R3HCC1L: variants seen among roughly 807,000 people sequenced by gnomAD.
The protein encoded by R3HCC1L is R3H domain and coiled-coil containing 1 like, also known as coiled-coil domain-containing protein R3HCC1L.
R3HCC1L carries 51 observed loss-of-function variants against 59.9 expected under a neutral mutation model. That is an observed-to-expected ratio of 0.85 (90% CI 0.68 to 1.07). R3HCC1L has a LOEUF of 1.07. Among genes scored for constraint, R3HCC1L ranks in the 50% least tolerant of loss-of-function variants. R3HCC1L has a pLI of 0.00. For missense variants in R3HCC1L, 965 were observed against 933.0 expected (o/e 1.03, Z -0.45); for synonymous variants, 322 against 315.2 (o/e 1.02, Z -0.23).
At chr10:98,190,861 A>T (rs1590638184) in intron 4 of R3HCC1L, among the ~76,000 whole-genome samples, 1 of 133,660 alleles carries the variant, frequency 7.5e-6, no homozygotes, top group African/African-American at 2.9e-5. Context: ...TGTCCAAGTG[A>T]TCTCATTGTT....
intron 5 of R3HCC1L, among the ~76,000 whole-genome samples, chr10:98,219,360 C>T (rs1854599893): frequency 6.6e-6 from 1 of 152,186 alleles, no homozygotes; most frequent in South Asian, 2.1e-4. Context: ...TTCTTGTAGG[C>T]AGCATATAGT....
chr10:98,218,646 TG>T lies in R3HCC1L; in HGVS notation c.1785+8748del, dbSNP rs1363233516. Among the ~76,000 whole-genome samples, 5 of 152,324 alleles carry T rather than the reference TG, an allele frequency of 3.3e-5. No individual in the cohort carries two copies. In the South Asian group the frequency reaches 1.0e-3, roughly 32 times the overall value. On this transcript the variant is annotated intron_variant, in intron 5 of 9. Transcript: ENST00000298999. Reference sequence around the variant, plus strand: ...AGGTTGTGCTGATGAGAATGTATCCTGCAGTTGTTGGGTAAAGTGTTCCAGT... The same window carrying T: ...AGGTTGTGCTGATGAGAATGTATCCTCAGTTGTTGGGTAAAGTGTTCCAGT...
At chr10:98,220,695 A>G (rs1353454488) in intron 5 of R3HCC1L, among the ~76,000 whole-genome samples, 1 of 151,258 alleles carries the variant, frequency 6.6e-6, no homozygotes, top group Admixed American at 6.6e-5. Flanking sequence ...ATGTCCCTAC[A>G]AAGGACATGA....
intron 4 of R3HCC1L, among the ~76,000 whole-genome samples, chr10:98,183,840 A>G (rs1004606732): frequency 1.3e-5 from 2 of 151,844 alleles, no homozygotes; most frequent in Non-Finnish European, 2.9e-5. Flanking sequence ...TATGCATATT[A>G]TCTACATTTT....
intron 5 of R3HCC1L, among the ~76,000 whole-genome samples, chr10:98,210,935 C>T (rs796606445): frequency 3.9e-5 from 6 of 152,254 alleles, no homozygotes; most frequent in Middle Eastern, 3.4e-3. Context: ...CTGAAGAGGG[C>T]GGTCCATTGG....
At chr10:98,235,299 G>C in intron 7 of R3HCC1L, 126 bp from the exon 8 acceptor site, 1 of 771,286 alleles carries the variant, frequency 1.3e-6, no homozygotes, top group Non-Finnish European at 2.1e-6. Flanking sequence ...TTGATCTTTA[G>C]ATCTGTCTCT....
At chr10:98,193,508 C>T (rs1564673349) in intron 4 of R3HCC1L, among the ~76,000 whole-genome samples, 1 of 152,034 alleles carries the variant, frequency 6.6e-6, no homozygotes, top group East Asian at 1.9e-4. Flanking sequence ...ATCTCATTTA[C>T]AGTAACATCA....
intron 1 of R3HCC1L, among the ~76,000 whole-genome samples, chr10:98,137,662 G>T (rs1844732086): frequency 6.6e-6 from 1 of 152,098 alleles, no homozygotes; most frequent in African/African-American, 2.4e-5. Flanking sequence ...CTAAAATGCT[G>T]TTGTGCAAGG....
chr10:98,206,332 A>C (rs1014274433), intron 4 of R3HCC1L, among the ~76,000 whole-genome samples: 2 of 151,766 alleles, frequency 1.3e-5, no homozygotes, highest in African/African-American at 4.8e-5. Context: ...TTCTTTAAAA[A>C]AAAAAAAAAA....
intron 4 of R3HCC1L, among the ~76,000 whole-genome samples, chr10:98,176,474 A>G (rs1331333455): frequency 6.6e-6 from 1 of 152,156 alleles, no homozygotes; most frequent in Non-Finnish European, 1.5e-5. Context: ...ATTTATGCCT[A>G]AGCATTTCAT....
chr10:98,180,782 A>G (rs1849547676), intron 4 of R3HCC1L, among the ~76,000 whole-genome samples: 1 of 152,132 alleles, frequency 6.6e-6, no homozygotes, highest in African/African-American at 2.4e-5. Flanking sequence ...TTCTTGTTGA[A>G]TTGATCCCTT....
rs1402847651 is a variant in R3HCC1L at position 98,209,271 on chromosome 10, G to A, written c.1157G>A (p.Ser386Asn). ...CMMDTTGMSC[S>N]DHVTVDSPYV... ...ATGGACACTACAGGTATGTCCTGTA[G>A]TGATCATGTAACTGTTGATAGCCCT... The change falls in exon 5 of 10, where the codon AGT (serine) becomes AAT (asparagine). Residue 386 changes from serine to asparagine, a missense_variant. Coordinates refer to ENST00000298999, the MANE Select transcript of R3HCC1L (RefSeq NM_001351015.2). The A allele has an allele frequency of 1.2e-6, 2 of 1,613,940 alleles. No individual in the cohort carries two copies. The highest frequency in any genetic ancestry group is 8.5e-7 in the Non-Finnish European group (1 of 1,179,928).
At chr10:98,229,323 G>A (rs1323076423) in intron 5 of R3HCC1L, among the ~76,000 whole-genome samples, 8 of 152,036 alleles carry the variant, frequency 5.3e-5, no homozygotes, top group Non-Finnish European at 1.2e-4. Flanking sequence ...TTGGGTTCCT[G>A]GGTATTTTAT....
chr10:98,202,045 C>T (rs1049417312), intron 4 of R3HCC1L, among the ~76,000 whole-genome samples: 20 of 152,034 alleles, frequency 1.3e-4, no homozygotes, highest in Admixed American at 1.1e-3. Flanking sequence ...GGATTACAGG[C>T]GCATGCCTCT....
chr10:98,202,035 G>A (rs551496767), intron 4 of R3HCC1L, among the ~76,000 whole-genome samples: 14 of 151,966 alleles, frequency 9.2e-5, no homozygotes, highest in Non-Finnish European at 5.9e-5. Context: ...CCAAGAGCTC[G>A]GATTACAGGC....
chr10:98,175,925 T>A (rs1848968666), intron 4 of R3HCC1L, among the ~76,000 whole-genome samples: 1 of 152,212 alleles, frequency 6.6e-6, no homozygotes, highest in Non-Finnish European at 1.5e-5. Flanking sequence ...GGTTTACATT[T>A]AGATCTGTGA....
intron 4 of R3HCC1L, among the ~76,000 whole-genome samples, chr10:98,190,206 A>G (rs953437684): frequency 6.6e-6 from 1 of 152,182 alleles, no homozygotes; most frequent in Non-Finnish European, 1.5e-5. Context: ...TTAACTGAAT[A>G]TTTCCATCTC....
At chr10:98,221,698 G>A (rs1027204953) in intron 5 of R3HCC1L, among the ~76,000 whole-genome samples, 1 of 152,048 alleles carries the variant, frequency 6.6e-6, no homozygotes, top group Non-Finnish European at 1.5e-5. Context: ...TAGATATGCA[G>A]CGTTATTTCT....
intron 5 of R3HCC1L, among the ~76,000 whole-genome samples, chr10:98,215,034 G>A (rs975579265): frequency 2.0e-5 from 3 of 152,164 alleles, no homozygotes; most frequent in Non-Finnish European, 4.4e-5. Flanking sequence ...ATTAGAATCT[G>A]TGCCTCCTGG....
Sources: gnomAD v4.1 joint callset for allele counts (sites outside exome capture counted in the v4.1 genomes callset) on GRCh38, gnomAD v4.1.1 for gene constraint, MANE v1.5 for transcripts, NCBI Gene and HGNC (gene_info 2026-07-23, HGNC 2026-07-21) for gene names.